The following FGF14 variants were observed in gnomAD, a reference collection of about 807,000 sequenced individuals.
FGF14 encodes the protein fibroblast growth factor 14.
Under a neutral mutation model 25.5 loss-of-function variants are expected in FGF14, and 5 were observed. That is an observed-to-expected ratio of 0.20 (90% CI 0.10 to 0.41). FGF14 has a LOEUF of 0.41. Ranked by LOEUF, FGF14 falls within the 10% of genes least tolerant of loss-of-function variation. The pLI, the probability that FGF14 is intolerant of heterozygous loss-of-function variation, is 1.00. For synonymous variants in FGF14, 138 were observed against 118.3 expected (o/e 1.17, Z -1.08); for missense variants, 222 against 320.1 (o/e 0.69, Z 2.34).
chr13:102,023,631 A>G (rs571346998), intron 1 of FGF14, among the ~76,000 whole-genome samples: 1 of 152,146 alleles, frequency 6.6e-6, no homozygotes, highest in East Asian at 1.9e-4. Flanking sequence ...GACAACAACT[A>G]ATCTATGTTC....
chr13:101,893,253 A>G (rs2138910854), intron 1 of FGF14, among the ~76,000 whole-genome samples: 1 of 152,270 alleles, frequency 6.6e-6, no homozygotes, highest in East Asian at 1.9e-4. Flanking sequence ...CTCTCTGTCC[A>G]TGATTGCCTC....
chr13:101,832,164 A>G (rs1272972008), intron 3 of FGF14, among the ~76,000 whole-genome samples: 2 of 152,068 alleles, frequency 1.3e-5, no homozygotes, highest in East Asian at 3.9e-4. Context: ...CTGTGACCAC[A>G]GAGGCAGAGA....
chr13:102,392,054 G>A (rs796400680), intron 1 of FGF14, among the ~76,000 whole-genome samples: 3 of 152,288 alleles, frequency 2.0e-5, no homozygotes, highest in African/African-American at 7.2e-5. Flanking sequence ...GAAGTGGAAA[G>A]AACAGATATT....
chr13:102,148,559 A>G (rs2046948502), intron 1 of FGF14, among the ~76,000 whole-genome samples: 1 of 152,204 alleles, frequency 6.6e-6, no homozygotes, highest in South Asian at 2.1e-4. Context: ...CTGTAATGCC[A>G]GCACTTTGGG....
At position 101,726,500 on chromosome 13, in the gene FGF14, A is replaced by G. The variant is rs374959031; in HGVS notation, c.607+112T>C. The G allele has an allele frequency of 9.7e-6, 10 of 1,029,536 alleles. 1 individual carries two copies. Among genetic ancestry groups the G allele is most frequent in the East Asian group, 5.1e-5 (2 of 38,966 alleles). 63.8% of individuals were successfully genotyped at this position (1,029,536 alleles called of 1,614,324 possible). A position where few individuals can be genotyped will look rare whatever the true frequency, so the allele number is the denominator to read the frequency against. ...GCAACCATCACCTAGATCAAAATAA[A>G]TGACATTTCCAGCACTTTGTGAAGG... is the stretch of plus-strand genomic sequence containing the variant. On this transcript the variant is annotated intron_variant, in intron 4 of 4. Transcript: ENST00000376143.
chr13:102,023,656 T>G (rs1242869519), intron 1 of FGF14, among the ~76,000 whole-genome samples: 1 of 152,094 alleles, frequency 6.6e-6, no homozygotes, highest in African/African-American at 2.4e-5. Context: ...TCTATGAATT[T>G]GCCAATACTG....
In FGF14 at chr13:102,241,212, C is replaced by T. The variant is rs113750409; in HGVS notation, c.208+160259G>A. On this transcript the variant is annotated intron_variant, in intron 1 of 4. Coordinates refer to the FGF14 transcript ENST00000376131. ...GTAGATTCTAGCTAGAAGACTCTGT[C>T]GCAATAGCAATCCAATTCCTGGTGA... 1.1e-3 allele frequency among the ~76,000 whole-genome samples: 166 copies of T among 152,146 alleles called. 2 individuals carry two copies. The highest frequency in any genetic ancestry group is 3.9e-3 in the African/African-American group (161 of 41,532).
chr13:101,943,873 A>AT (rs2035626923), intron 1 of FGF14, among the ~76,000 whole-genome samples: 1 of 148,734 alleles, frequency 6.7e-6, no homozygotes, highest in Non-Finnish European at 1.5e-5. Context: ...GTGGTGGCGC[A>AT]TGCCTGTAAT....
intron 3 of FGF14, among the ~76,000 whole-genome samples, chr13:101,813,320 T>TTAGG (rs1453933938): frequency 2.6e-5 from 4 of 152,108 alleles, no homozygotes; most frequent in African/African-American, 9.7e-5. Context: ...GGTGGGGGCT[T>TTAGG]TAGGAGGAGG....
rs147021866 is a variant in FGF14 at position 101,929,207 on chromosome 13, G to A, written c.209-53911C>T. ...GTCTCAGATGCTGGGTGTGAAGCACGTGCAAGAACAGTGGAAAGAGTCAGC... is the reference window on the plus strand; with the variant it reads ...GTCTCAGATGCTGGGTGTGAAGCACATGCAAGAACAGTGGAAAGAGTCAGC... On this transcript the variant is annotated intron_variant, in intron 1 of 4. Coordinates refer to the FGF14 transcript ENST00000376131. Among the ~76,000 whole-genome samples, 712 of 152,298 alleles carry A rather than the reference G, an allele frequency of 4.7e-3. 2 individuals carry two copies. The highest frequency in any genetic ancestry group is 0.024 in the Middle Eastern group (7 of 294).
At chr13:101,914,428 T>C (rs997596013) in intron 1 of FGF14, among the ~76,000 whole-genome samples, 5 of 152,056 alleles carry the variant, frequency 3.3e-5, no homozygotes, top group African/African-American at 1.2e-4. Flanking sequence ...AATTTCCTTA[T>C]AACGTATCTT....
intron 3 of FGF14, among the ~76,000 whole-genome samples, chr13:101,825,877 A>G (rs563905948): frequency 2.6e-5 from 4 of 152,254 alleles, no homozygotes; most frequent in Admixed American, 6.5e-5. Context: ...GTTGAATTTG[A>G]TATTTCCTGA....
intron 1 of FGF14, among the ~76,000 whole-genome samples, chr13:102,031,352 C>T (rs938314716): frequency 9.2e-5 from 14 of 152,036 alleles, no homozygotes; most frequent in Admixed American, 4.6e-4. Context: ...TTCCTCACAA[C>T]GCGTTAGGTT....
At chr13:101,998,915 A>G (rs527312338) in intron 1 of FGF14, among the ~76,000 whole-genome samples, 2 of 152,328 alleles carry the variant, frequency 1.3e-5, no homozygotes, top group South Asian at 4.1e-4. Context: ...TGCTTATTAA[A>G]CACCCATTTT....
At chr13:102,266,314 G>A (rs2052990401) in intron 1 of FGF14, among the ~76,000 whole-genome samples, 1 of 152,080 alleles carries the variant, frequency 6.6e-6, no homozygotes, top group Non-Finnish European at 1.5e-5. Flanking sequence ...GGAGTTAGAT[G>A]GAGTTAGAAG....
intron 1 of FGF14, among the ~76,000 whole-genome samples, chr13:102,322,812 T>C (rs772558939): frequency 5.3e-5 from 8 of 151,976 alleles, no homozygotes; most frequent in Non-Finnish European, 1.0e-4. Context: ...ATCCCTATTA[T>C]AGAAACAAAT....
Position 102,188,427 on chromosome 13 carries a change from T to C in FGF14, c.208+213044A>G, listed in dbSNP as rs185513103. On this transcript the variant is annotated intron_variant, in intron 1 of 4. Coordinates refer to the FGF14 transcript ENST00000376131. ...TTTCAGGTTATTTCAATTATCTGTG[T>C]GACCTTGGGATATTATTTAACCTCT... Among the ~76,000 whole-genome samples the C allele has an allele frequency of 5.9e-5, 9 of 152,338 alleles. No homozygotes were observed. In the East Asian group the frequency reaches 1.7e-3, roughly 29 times the overall value.
intron 2 of FGF14, among the ~76,000 whole-genome samples, chr13:101,874,593 A>G: frequency 6.6e-6 from 1 of 152,186 alleles, no homozygotes; most frequent in East Asian, 1.9e-4. Flanking sequence ...AGACATTTAT[A>G]CAGTGGAAGA....
chr13:101,930,424 T>C (rs73564314), intron 1 of FGF14, among the ~76,000 whole-genome samples: 12 of 152,326 alleles, frequency 7.9e-5, no homozygotes, highest in African/African-American at 2.6e-4. Flanking sequence ...AGCACACTCA[T>C]GTCCCCATAT....
Sources: allele counts gnomAD v4.1 joint callset (sites outside exome capture counted in the v4.1 genomes callset), GRCh38; gene constraint gnomAD v4.1.1; transcripts MANE v1.5; gene names NCBI Gene and HGNC (gene_info 2026-07-23, HGNC 2026-07-21).